The following MEIS2 variants were observed in gnomAD, a reference collection of about 807,000 sequenced individuals.
MEIS2 encodes homeobox protein Meis2.
A neutral mutation model predicts 58.6 loss-of-function variants in MEIS2; 9 were observed. The observed-to-expected ratio is 0.15, with a 90% CI of 0.09 to 0.27. MEIS2 has a LOEUF of 0.27. MEIS2 is among the 10% of genes least tolerant of loss of function. The pLI is 1.00. For synonymous variants in MEIS2, 221 were observed against 228.4 expected (o/e 0.97, Z 0.29); for missense variants, 427 against 635.0 (o/e 0.67, Z 3.52).
chr15:37,076,197 T>A (rs976365144), intron 7 of MEIS2, among the ~76,000 whole-genome samples: 3 of 151,418 alleles, frequency 2.0e-5, no homozygotes, highest in Admixed American at 6.6e-5. Flanking sequence ...ACTACCCTCC[T>A]CCCCAGCAAA....
intron 9 of MEIS2, among the ~76,000 whole-genome samples, chr15:36,925,032 G>A (rs1424302659): frequency 6.6e-6 from 1 of 152,096 alleles, no homozygotes; most frequent in Non-Finnish European, 1.5e-5. Context: ...CACTCACCTC[G>A]GGACGCCTTG....
intron 8 of MEIS2, among the ~76,000 whole-genome samples, chr15:36,965,801 C>A (rs1205699573): frequency 6.6e-6 from 1 of 152,012 alleles, no homozygotes; most frequent in Non-Finnish European, 1.5e-5. Flanking sequence ...GACCAGGAGA[C>A]TAACTAGTCA....
At chr15:37,051,086 T>C (rs1268531757) in intron 7 of MEIS2, among the ~76,000 whole-genome samples, 1 of 152,242 alleles carries the variant, frequency 6.6e-6, no homozygotes, top group African/African-American at 2.4e-5. Flanking sequence ...CTATTACTTA[T>C]ATTGTGTCCC....
At chr15:37,018,401 C>T (rs2061420017) in intron 8 of MEIS2, among the ~76,000 whole-genome samples, 1 of 152,198 alleles carries the variant, frequency 6.6e-6, no homozygotes, top group Non-Finnish European at 1.5e-5. Context: ...GTAAGACCCA[C>T]ATCATCTCAT....
chr15:37,025,544 T>A (rs563840055), intron 8 of MEIS2, among the ~76,000 whole-genome samples: 2 of 152,174 alleles, frequency 1.3e-5, no homozygotes, highest in Admixed American at 6.5e-5. Flanking sequence ...CTTTTTTTTT[T>A]AAATGAATTA....
chr15:36,895,104 A>C (rs374318144), intron 11 of MEIS2, 47 bp downstream of exon 11: 3 of 1,463,722 alleles, frequency 2.0e-6, no homozygotes, highest in South Asian at 1.2e-5. Flanking sequence ...CTGGTGGAGC[A>C]GGTGGCACTT....
At chr15:37,024,884 A>G (rs769444053) in intron 8 of MEIS2, among the ~76,000 whole-genome samples, 40 of 152,246 alleles carry the variant, frequency 2.6e-4, no homozygotes, top group Non-Finnish European at 4.7e-4. Flanking sequence ...CCAAAGCCCC[A>G]ACCAGCTTGC....
chr15:36,908,868 G>A (rs1194579087), intron 9 of MEIS2, among the ~76,000 whole-genome samples: 3 of 152,064 alleles, frequency 2.0e-5, no homozygotes, highest in Non-Finnish European at 4.4e-5. Flanking sequence ...GAACCTGGGA[G>A]GCGGAGGTTG....
At chr15:36,918,944 C>A (rs1367775872) in intron 9 of MEIS2, among the ~76,000 whole-genome samples, 2 of 152,158 alleles carry the variant, frequency 1.3e-5, no homozygotes, top group Non-Finnish European at 2.9e-5. Context: ...GAGATGATAC[C>A]TACCTCGTAA....
chr15:37,001,271 C>G (rs1454091150), intron 8 of MEIS2, among the ~76,000 whole-genome samples: 1 of 152,090 alleles, frequency 6.6e-6, no homozygotes, highest in Non-Finnish European at 1.5e-5. Flanking sequence ...AGGATCTATC[C>G]TTGGCCCTCT....
At chr15:36,957,488 G>T (rs1009385791) in intron 8 of MEIS2, among the ~76,000 whole-genome samples, 1 of 152,104 alleles carries the variant, frequency 6.6e-6, no homozygotes, top group African/African-American at 2.4e-5. Flanking sequence ...CACGATTCTG[G>T]CATGTCCAAG....
At chr15:37,013,095 T>C (rs539411287) in intron 8 of MEIS2, among the ~76,000 whole-genome samples, 89 of 152,176 alleles carry the variant, frequency 5.8e-4, no homozygotes, top group Middle Eastern at 3.4e-3. Flanking sequence ...GAGGTAGTGA[T>C]GAGAGAAAGG....
chr15:36,911,979 GA>G (rs1241123728), intron 9 of MEIS2, among the ~76,000 whole-genome samples: 1 of 152,198 alleles, frequency 6.6e-6, no homozygotes, highest in Non-Finnish European at 1.5e-5. Context: ...GACTCGTTCT[GA>G]GCCTGACCCA....
At chr15:37,098,962 A>T (rs1309162601) in intron 1 of MEIS2, 4 of 985,206 alleles carry the variant, frequency 4.1e-6, no homozygotes, top group Non-Finnish European at 4.8e-6. Flanking sequence ...CAAAACAAGC[A>T]GCCCAGGCTA....
At chr15:37,079,587 A>T (rs1476307634) in intron 7 of MEIS2, among the ~76,000 whole-genome samples, 1 of 152,162 alleles carries the variant, frequency 6.6e-6, no homozygotes. Flanking sequence ...TTATAAGCTC[A>T]AAAGTGCAAT....
chr15:36,998,106 C>A (rs753430168), intron 8 of MEIS2, among the ~76,000 whole-genome samples: 2 of 152,100 alleles, frequency 1.3e-5, no homozygotes, highest in African/African-American at 4.8e-5. Flanking sequence ...ATTTTCCTCA[C>A]GACGGGCTAT....
At chr15:36,963,392 A>C (rs1414942726) in intron 8 of MEIS2, among the ~76,000 whole-genome samples, 1 of 152,068 alleles carries the variant, frequency 6.6e-6, no homozygotes, top group African/African-American at 2.4e-5. Flanking sequence ...AAAAAAAAAA[A>C]AAAGAGTGAA....
intron 8 of MEIS2, among the ~76,000 whole-genome samples, chr15:36,961,430 A>C (rs1020366845): frequency 6.6e-6 from 1 of 152,148 alleles, no homozygotes; most frequent in African/African-American, 2.4e-5. Flanking sequence ...TAAATACTAA[A>C]ATATCAAACC....
At chr15:37,046,025 A>C (rs2062654760) in intron 7 of MEIS2, among the ~76,000 whole-genome samples, 5 of 152,228 alleles carry the variant, frequency 3.3e-5, no homozygotes, top group Admixed American at 2.6e-4. Flanking sequence ...CTTTCTCTTC[A>C]ACTTTTCAGG....
Sources: allele counts gnomAD v4.1 joint callset (sites outside exome capture counted in the v4.1 genomes callset), GRCh38; gene constraint gnomAD v4.1.1; transcripts MANE v1.5; gene names NCBI Gene and HGNC (gene_info 2026-07-23, HGNC 2026-07-21).